The following MAP2K5 variants were observed in gnomAD, a reference collection of about 807,000 sequenced individuals.
The protein encoded by MAP2K5 is dual specificity mitogen-activated protein kinase kinase 5.
MAP2K5 carries 49 observed loss-of-function variants against 83.1 expected under a neutral mutation model. The observed-to-expected ratio is 0.59, with a 90% confidence interval of 0.47 to 0.75. MAP2K5 has a LOEUF of 0.75. MAP2K5 is among the 30% of genes least tolerant of loss of function. The pLI, the probability that MAP2K5 is intolerant of heterozygous loss-of-function variation, is 0.00. For missense variants in MAP2K5, 457 were observed against 557.5 expected, an observed-to-expected ratio of 0.82 and a Z score of 1.82; for synonymous variants, 202 against 191.8, an observed-to-expected ratio of 1.05 and a Z score of -0.44.
At chr15:67,705,579 A>G (rs534304655) in intron 16 of MAP2K5, among the ~76,000 whole-genome samples, 2 of 152,146 alleles carry the variant, frequency 1.3e-5, no homozygotes, top group Non-Finnish European at 2.9e-5. Flanking sequence ...AACTAAAAAT[A>G]CAAACAATTA....
chr15:67,761,470 C>T (rs927615966), intron 19 of MAP2K5, among the ~76,000 whole-genome samples: 7 of 152,214 alleles, frequency 4.6e-5, no homozygotes, highest in African/African-American at 1.2e-4. Context: ...CACTCATACA[C>T]GCAGCCACTG....
intron 15 of MAP2K5, among the ~76,000 whole-genome samples, chr15:67,694,911 A>G (rs1177609319): frequency 2.6e-5 from 4 of 152,212 alleles, no homozygotes; most frequent in Non-Finnish European, 5.9e-5. Context: ...CATATACACC[A>G]TGGAATACTA....
At chr15:67,740,210 G>A (rs1489500682) in intron 17 of MAP2K5, among the ~76,000 whole-genome samples, 1 of 152,164 alleles carries the variant, frequency 6.6e-6, no homozygotes, top group Admixed American at 6.5e-5. Flanking sequence ...CTAGAGTCTA[G>A]TATAGCGCCT....
intron 13 of MAP2K5, among the ~76,000 whole-genome samples, chr15:67,692,131 C>A (rs1321981328): frequency 6.6e-6 from 1 of 152,086 alleles, no homozygotes; most frequent in Non-Finnish European, 1.5e-5. Flanking sequence ...TGTGCAAATT[C>A]TTTGCAAGAA....
At position 67,757,376 on chromosome 15, in the gene MAP2K5, C is replaced by A. The variant is rs1355178229; in HGVS notation, c.1134+8775C>A. ...TTCACACATTTCTAAAAGCCCTTGA[C>A]CCCTTTATGTTGCTCAAAAACCCAA... On this transcript the variant is annotated intron_variant, in intron 19 of 21. Coordinates refer to ENST00000178640, the MANE Select transcript of MAP2K5 (RefSeq NM_145160.3). The surrounding 1 kb of genome is among the most constrained non-coding windows in gnomAD (Gnocchi z 4.9). Among the ~76,000 whole-genome samples, 1 of 152,160 alleles carries A rather than the reference C, an allele frequency of 6.6e-6. No homozygotes were observed. The highest frequency in any genetic ancestry group is 1.9e-4 in the East Asian group (1 of 5,192).
chr15:67,667,652 TA>T (rs529578861), intron 13 of MAP2K5, among the ~76,000 whole-genome samples: 78 of 141,904 alleles, frequency 5.5e-4, no homozygotes, highest in African/African-American at 5.9e-4. Flanking sequence ...AAAACCAGAG[TA>T]AAAAAAAAAA....
rs1046588743 is a variant in MAP2K5, at chr15:67,746,042, A to G, written c.1075-2189A>G. 6.6e-6 allele frequency among the ~76,000 whole-genome samples: 1 copy of G among 152,224 alleles called. No homozygotes were observed. Among genetic ancestry groups the G allele is most frequent in the African/African-American group, 2.4e-5 (1 of 41,458 alleles). ...TAAGATTATAAAAAAAGACTTTGAT[A>G]TTGCTGTTTTTCTCTTTCTTTTAAT... On this transcript the variant is annotated intron_variant, in intron 17 of 21. Transcript: ENST00000178640. The surrounding 1 kb of genome is among the most constrained non-coding windows in gnomAD (Gnocchi z 4.1).
Position 67,780,160 on chromosome 15 carries a change from G to T in MAP2K5, c.1242+7408G>T, listed in dbSNP as rs542618696. ...CACAAGTTAGTCCATGTAGTACAGC[G>T]GCTCTCAACACTAGCAGCTCATCAG... is the stretch of plus-strand genomic sequence containing the variant. On this transcript the variant is annotated intron_variant, in intron 21 of 21. Coordinates refer to ENST00000178640, the MANE Select transcript of MAP2K5 (RefSeq NM_145160.3). The surrounding 1 kb of genome is among the most constrained non-coding windows in gnomAD (Gnocchi z 5.0). Among the ~76,000 whole-genome samples, 5 of 152,018 alleles carry T rather than the reference G, an allele frequency of 3.3e-5. No individual in the cohort carries two copies. Among genetic ancestry groups the T allele is most frequent in the Non-Finnish European group, 7.4e-5 (5 of 68,006 alleles).
At chr15:67,703,694 C>T (rs1248907473) in intron 16 of MAP2K5, among the ~76,000 whole-genome samples, 1 of 152,138 alleles carries the variant, frequency 6.6e-6, no homozygotes, top group Non-Finnish European at 1.5e-5. Flanking sequence ...AAATCCACAC[C>T]TCTAAGAATC....
At chr15:67,689,047 T>C (rs1445617710) in intron 13 of MAP2K5, among the ~76,000 whole-genome samples, 2 of 152,174 alleles carry the variant, frequency 1.3e-5, no homozygotes, top group African/African-American at 4.8e-5. Context: ...CTTATTTCTT[T>C]TGGTGATGAT....
Position 67,577,233 on chromosome 15 carries a change from C to T in MAP2K5, c.253-3521C>T, listed in dbSNP as rs1236815668. The stretch of plus-strand genomic sequence containing the variant: ...TACAGGCGTGAGCCACCGTGCCCGG[C>T]CAGTAACCCTATATATTAGGGTAAA... On this transcript the variant is annotated intron_variant, in intron 3 of 21. Transcript: ENST00000178640. The surrounding 1 kb of genome is among the most constrained non-coding windows in gnomAD (Gnocchi z 4.1). Among the ~76,000 whole-genome samples the T allele has an allele frequency of 6.6e-6, 1 of 152,130 alleles. No individual in the cohort carries two copies. The highest frequency in any genetic ancestry group is 2.4e-5 in the African/African-American group (1 of 41,410).
At chr15:67,607,052 G>A (rs536798693) in intron 8 of MAP2K5, among the ~76,000 whole-genome samples, 1 of 152,260 alleles carries the variant, frequency 6.6e-6, no homozygotes, top group South Asian at 2.1e-4. Context: ...TGCATGATGT[G>A]TATCTTGTAA....
intron 8 of MAP2K5, among the ~76,000 whole-genome samples, chr15:67,601,233 T>C (rs1424296534): frequency 6.6e-6 from 1 of 152,160 alleles, no homozygotes; most frequent in East Asian, 1.9e-4. Context: ...CCTGAGATAA[T>C]TTCTACACAT....
chr15:67,687,089 A>G (rs2087976436), intron 13 of MAP2K5, among the ~76,000 whole-genome samples: 1 of 152,230 alleles, frequency 6.6e-6, no homozygotes, highest in African/African-American at 2.4e-5. Context: ...ACTACATTCA[A>G]AATGGCTGCA....
chr15:67,598,660 A>G (rs143236924), intron 7 of MAP2K5, among the ~76,000 whole-genome samples: 18 of 152,274 alleles, frequency 1.2e-4, no homozygotes, highest in African/African-American at 4.1e-4. Context: ...TAAAAAGACT[A>G]TGATGTCAGA....
Position 67,640,618 on chromosome 15 carries a change from A to C in MAP2K5, c.586-5613A>C. ...ATGAGGGAAATTTAATTTTCCAAGC[A>C]AAGTGGTCAGTTGGACCCACACTTT... On this transcript the variant is annotated intron_variant, in intron 9 of 21. Coordinates refer to ENST00000178640, the MANE Select transcript of MAP2K5 (RefSeq NM_145160.3). This position sits in a 1 kb window ranked among gnomAD's most constrained non-coding sequence, Gnocchi z 4.6. The C allele has an allele frequency of 1.0e-6, 1 of 984,772 alleles. No individual in the cohort carries two copies. The highest frequency in any genetic ancestry group is 5.2e-4 in the Middle Eastern group (1 of 1,912). 61.0% of individuals were successfully genotyped at this position (984,772 alleles called of 1,614,324 possible).
intron 21 of MAP2K5, among the ~76,000 whole-genome samples, chr15:67,799,357 G>A (rs565690587): frequency 6.6e-6 from 1 of 152,248 alleles, no homozygotes; most frequent in Non-Finnish European, 1.5e-5. Flanking sequence ...CAGGACCTGT[G>A]CTCTGTGTGG....
Position 67,679,223 on chromosome 15 carries a change from G to A in MAP2K5, c.848-13256G>A, listed in dbSNP as rs77576072. 2.1e-3 allele frequency among the ~76,000 whole-genome samples: 319 copies of A among 152,200 alleles called. 5 individuals carry two copies. In the East Asian group the frequency reaches 0.037, roughly 18 times the overall value. On this transcript the variant is annotated intron_variant, in intron 13 of 21. Coordinates refer to ENST00000178640, the MANE Select transcript of MAP2K5 (RefSeq NM_145160.3). ...GAAAGCACATGCTCTTGAGGCTCTG[G>A]CCTTTATTAGCAAGCTTCTGCTTGA...
intron 15 of MAP2K5, among the ~76,000 whole-genome samples, chr15:67,700,279 C>G (rs905735969): frequency 6.6e-6 from 1 of 152,174 alleles, no homozygotes; most frequent in Non-Finnish European, 1.5e-5. Context: ...ATAAATTCTA[C>G]TTATTAGATC....
Sources: allele counts gnomAD v4.1 joint callset (sites outside exome capture counted in the v4.1 genomes callset), GRCh38; gene constraint gnomAD v4.1.1; non-coding constraint Gnocchi (gnomAD v3.1); transcripts MANE v1.5; gene names NCBI Gene and HGNC (gene_info 2026-07-23, HGNC 2026-07-21).